NCOA2: variants seen among roughly 807,000 people sequenced by gnomAD.
The protein encoded by NCOA2 is nuclear receptor coactivator 2.
Under a neutral mutation model 145.1 loss-of-function variants are expected in NCOA2, and 21 were observed. That is an observed-to-expected ratio of 0.14 (90% CI 0.10 to 0.21). NCOA2 has a LOEUF of 0.21. NCOA2 is among the 10% of genes least tolerant of loss of function. The probability of loss-of-function intolerance (pLI) is 1.00; values close to 1 mark genes in which losing one functional copy is unlikely to be tolerated. For synonymous variants in NCOA2, 619 were observed against 637.5 expected (o/e 0.97, Z 0.44); for missense variants, 1,472 against 1,837.6 (o/e 0.80, Z 3.64).
At chr8:70,385,233 T>G (rs1263220915) in intron 1 of NCOA2, among the ~76,000 whole-genome samples, 1 of 152,198 alleles carries the variant, frequency 6.6e-6, no homozygotes, top group African/African-American at 2.4e-5. Flanking sequence ...CAAGATTTAT[T>G]GAACACCAAC....
intron 2 of NCOA2, among the ~76,000 whole-genome samples, chr8:70,280,071 T>C (rs1825760537): frequency 6.6e-6 from 1 of 152,224 alleles, no homozygotes; most frequent in African/African-American, 2.4e-5. Context: ...TAGTCTACCT[T>C]AGGCATTAAG....
At chr8:70,247,096 C>G (rs1448291276) in intron 2 of NCOA2, among the ~76,000 whole-genome samples, 1 of 152,082 alleles carries the variant, frequency 6.6e-6, no homozygotes, top group African/African-American at 2.4e-5. Context: ...AACCACTCAA[C>G]ATAGAAATAA....
chr8:70,316,541 C>T (rs191868852), intron 1 of NCOA2, among the ~76,000 whole-genome samples: 1 of 152,282 alleles, frequency 6.6e-6, no homozygotes, highest in African/African-American at 2.4e-5. Flanking sequence ...TTATGGGAGG[C>T]CGTTGTTTTG....
At chr8:70,153,124 G>T (rs1487012438) in intron 11 of NCOA2, among the ~76,000 whole-genome samples, 2 of 152,214 alleles carry the variant, frequency 1.3e-5, no homozygotes, top group Non-Finnish European at 2.9e-5. Flanking sequence ...TGTTTTTGAT[G>T]TTAAAATTGC....
chr8:70,451,316 G>A, the NCOA2 span, among the ~76,000 whole-genome samples: 19 of 144,734 alleles, frequency 1.3e-4, 1 homozygote, highest in African/African-American at 4.9e-4. Flanking sequence ...GCTAAGGCAG[G>A]AGGGTCACTT....
chr8:70,150,569 TG>T (rs1207270792), intron 11 of NCOA2, among the ~76,000 whole-genome samples: 1 of 152,226 alleles, frequency 6.6e-6, no homozygotes, highest in Non-Finnish European at 1.5e-5. Context: ...AGTTCAATGG[TG>T]GGCAAAACTG....
intron 2 of NCOA2, among the ~76,000 whole-genome samples, chr8:70,290,051 G>C (rs999854049): frequency 6.6e-6 from 1 of 152,106 alleles, no homozygotes; most frequent in Non-Finnish European, 1.5e-5. Context: ...TTGTAGATGA[G>C]AAGGCAAAAT....
chr8:70,184,859 G>A (rs1815880766), intron 4 of NCOA2, among the ~76,000 whole-genome samples: 1 of 152,122 alleles, frequency 6.6e-6, no homozygotes, highest in African/African-American at 2.4e-5. Context: ...TGTCTCTCAA[G>A]GCTTCGAAAG....
chr8:70,143,620 C>T (rs1371335541), intron 13 of NCOA2, among the ~76,000 whole-genome samples: 2 of 152,210 alleles, frequency 1.3e-5, no homozygotes, highest in Non-Finnish European at 1.5e-5. Context: ...GCACAGTTCA[C>T]AGTTGCCATG....
chr8:70,124,035 G>C lies in NCOA2; in HGVS notation c.4142C>G (p.Thr1381Ser). ...SPPHFGQQAN[T>S]SMYSNNMNIN... ...GTTCATGTTGTTACTGTACATGCTG[G>C]TGTTTGCTTGCTGCCCAAAGTGTGG... Residue 1381 changes from threonine (T) to serine (S), a missense_variant, in exon 21 of 23, where the codon ACC becomes AGC. Transcript: ENST00000452400. 6.2e-7 allele frequency: 1 copy of C among 1,613,948 alleles called. No individual in the cohort carries two copies. Among genetic ancestry groups the C allele is most frequent in the Non-Finnish European group, 8.5e-7 (1 of 1,179,852 alleles).
the NCOA2 span, among the ~76,000 whole-genome samples, chr8:70,438,760 CA>C: frequency 1.3e-4 from 20 of 152,160 alleles, no homozygotes; most frequent in African/African-American, 4.6e-4. Flanking sequence ...GTAGCTAGGA[CA>C]AAAGGTTTCT....
rs141096375 is a variant in NCOA2, at chr8:70,180,672, T to G, written c.260-5813A>C. 3.3e-5 allele frequency among the ~76,000 whole-genome samples: 5 copies of G among 152,346 alleles called. No homozygotes were observed. The East Asian group carries it at 9.6e-4, about 29-fold the overall frequency. On this transcript the variant is annotated intron_variant, in intron 4 of 22. Coordinates refer to ENST00000452400, the MANE Select transcript of NCOA2 (RefSeq NM_006540.4). ...AGCTGTATTAAATTGCTCATTGGCA[T>G]GTACAGGCATAAATCTGTTATTTAT... is the stretch of plus-strand genomic sequence containing the variant.
intron 11 of NCOA2, among the ~76,000 whole-genome samples, chr8:70,155,738 A>G (rs1407305836): frequency 1.3e-5 from 2 of 152,220 alleles, no homozygotes; most frequent in Non-Finnish European, 2.9e-5. Context: ...AAAGCCTAAA[A>G]TACTTACATT....
intron 4 of NCOA2, among the ~76,000 whole-genome samples, chr8:70,175,957 G>A (rs1814785916): frequency 6.6e-6 from 1 of 151,980 alleles, no homozygotes; most frequent in Non-Finnish European, 1.5e-5. Context: ...AAACAATTAG[G>A]AATGATGTGG....
rs183910511 is a variant in NCOA2, at chr8:70,144,100, G to C, written c.2812+542C>G. 1.8e-3 allele frequency among the ~76,000 whole-genome samples: 276 copies of C among 152,328 alleles called. 1 individual carries two copies. The highest frequency in any genetic ancestry group is 6.4e-3 in the African/African-American group (268 of 41,572). On this transcript the variant is annotated intron_variant, in intron 13 of 22. Transcript: ENST00000452400. ...TTATAGCAGGTCAACATCCAAACCTGATCACAGGCAACTTCCTACATCTTC... is the reference window on the plus strand; with the variant it reads ...TTATAGCAGGTCAACATCCAAACCTCATCACAGGCAACTTCCTACATCTTC...
the NCOA2 span, among the ~76,000 whole-genome samples, chr8:70,425,693 A>C: frequency 6.6e-6 from 1 of 152,172 alleles, no homozygotes; most frequent in African/African-American, 2.4e-5. Flanking sequence ...CTTTGCTTGC[A>C]CACTAAGTCT....
chr8:70,163,358 T>C (rs1459804910), intron 8 of NCOA2, 107 bp downstream of exon 8: 1 of 740,786 alleles, frequency 1.3e-6, no homozygotes, highest in Non-Finnish European at 2.2e-6. Flanking sequence ...GCAGCAGCAA[T>C]TGCTAGTACT....
At chr8:70,170,590 G>A (rs1001167017) in intron 5 of NCOA2, among the ~76,000 whole-genome samples, 4 of 152,298 alleles carry the variant, frequency 2.6e-5, no homozygotes, top group South Asian at 4.1e-4. Flanking sequence ...GGGAGAGAGA[G>A]CCTAGACTAG....
chr8:70,157,531 T>C lies in NCOA2; in HGVS notation c.1125-291A>G, dbSNP rs188800505. Among the ~76,000 whole-genome samples, 19 of 152,336 alleles carry C rather than the reference T, an allele frequency of 1.2e-4. No homozygotes were observed. The East Asian group carries it at 3.7e-3, about 29-fold the overall frequency. Reference sequence around the variant, plus strand: ...TAAATTGCATTTACTAGACAAGACATTAACAGGGTTCCAATTACATAATAC... The same window carrying C: ...TAAATTGCATTTACTAGACAAGACACTAACAGGGTTCCAATTACATAATAC... On this transcript the variant is annotated intron_variant, in intron 10 of 22. Coordinates refer to ENST00000452400, the MANE Select transcript of NCOA2 (RefSeq NM_006540.4).
Sources: allele counts gnomAD v4.1 joint callset (sites outside exome capture counted in the v4.1 genomes callset), GRCh38; gene constraint gnomAD v4.1.1; transcripts MANE v1.5; gene names NCBI Gene and HGNC (gene_info 2026-07-23, HGNC 2026-07-21).